The following ATRX variants were observed in gnomAD, a reference collection of about 807,000 sequenced individuals.
ATRX encodes the protein ATRX chromatin remodeler, also known as chromatin remodeler ATRX.
Under a neutral mutation model 172.6 loss-of-function variants are expected in ATRX, and 12 were observed. The observed-to-expected ratio is 0.07, with a 90% confidence interval of 0.04 to 0.11. ATRX has a LOEUF of 0.11. Among genes scored for constraint, ATRX ranks in the 10% least tolerant of loss-of-function variants. ATRX has a pLI of 1.00. For synonymous variants in ATRX, 674 were observed against 594.7 expected (o/e 1.13, Z -1.94); for missense variants, 1,368 against 1,767.4 (o/e 0.77, Z 4.05).
intron 1 of ATRX, among the ~76,000 whole-genome samples, chrX:77,735,635 T>TAAAA (rs1164571785): frequency 1.3e-5 from 1 of 76,619 alleles, no homozygotes; most frequent in Non-Finnish European, 2.4e-5. Flanking sequence ...AATAAATAAA[T>TAAAA]AAAAATAAAT....
chrX:77,695,533 C>T (rs1557149392), intron 5 of ATRX, among the ~76,000 whole-genome samples: 1 of 111,056 alleles, frequency 9.0e-6, no homozygotes, highest in Non-Finnish European at 1.9e-5. Context: ...ATGTAAAAAT[C>T]CAAAGTAAGT....
intron 22 of ATRX, among the ~76,000 whole-genome samples, chrX:77,610,174 T>C (rs782188933): frequency 1.8e-5 from 2 of 111,670 alleles, no homozygotes; most frequent in African/African-American, 6.5e-5. Context: ...TCATGTCACC[T>C]GCAAACTGAA....
intron 2 of ATRX, among the ~76,000 whole-genome samples, chrX:77,716,320 AAAAATATATATATAT>A (rs1420180370): frequency 7.0e-5 from 4 of 57,419 alleles, no homozygotes; most frequent in Non-Finnish European, 1.1e-4. Flanking sequence ...AAAAAAAAAA[AAAAATATATATATAT>A]ATATATATAT....
rs782405658 is a variant in ATRX, at chrX:77,620,513, A to G, written c.5154T>C (p.Cys1718=). 2.5e-6 allele frequency: 3 copies of G among 1,204,993 alleles called. No homozygotes were observed. In the Admixed American group the frequency reaches 6.5e-5, roughly 26 times the overall value. The change falls in exon 20 of 35, where the codon TGT becomes TGC. Residue 1718 remains cysteine, a synonymous_variant. Coordinates refer to ENST00000373344, the MANE Select transcript of ATRX (RefSeq NM_000489.6). ...CATTTTTTAGAATATGGCCTTCATC[A>G]CAAACAACAAAATCAGGGCCTACAA... ...LVDPGPDFVV[C]DEGHILKNEA... is the part of the protein sequence containing the mutation.
At chrX:77,733,714 A>C in intron 1 of ATRX, among the ~76,000 whole-genome samples, 1 of 99,331 alleles carries the variant, frequency 1.0e-5, no homozygotes. Flanking sequence ...GCTAAAAAAA[A>C]AAAAAAAAAA....
chrX:77,521,508 T>C lies in ATRX; in HGVS notation c.6976-10A>G, dbSNP rs1329992533. On this transcript the variant is annotated splice_polypyrimidine_tract_variant and intron_variant, in intron 32 of 34. Transcript: ENST00000373344. ...CTTGATTAATGAGGTCCTAGAAGAA[T>C]GCAAGAAATAAGTTATATAAGGCAG... 8.6e-7 allele frequency: 1 copy of C among 1,158,854 alleles called. No homozygotes were observed.
chrX:77,701,466 TG>T (rs1159716072), intron 2 of ATRX, among the ~76,000 whole-genome samples: 1 of 108,993 alleles, frequency 9.2e-6, no homozygotes, highest in African/African-American at 3.4e-5. Context: ...GAGCCGAGAT[TG>T]TGCCATTGCA....
intron 10 of ATRX, among the ~76,000 whole-genome samples, chrX:77,667,870 C>T (rs2070344361): frequency 8.9e-6 from 1 of 111,834 alleles, no homozygotes; most frequent in African/African-American, 3.2e-5. Context: ...AAATTACAAA[C>T]TTCAGGTCAT....
chrX:77,552,080 G>C (rs1273657392), intron 30 of ATRX, among the ~76,000 whole-genome samples: 1 of 111,423 alleles, frequency 9.0e-6, no homozygotes, highest in Non-Finnish European at 1.9e-5. Context: ...CAAGGATCCA[G>C]AACTAGAAAT....
rs1338386067 is a variant in ATRX at position 77,670,739 on chromosome X, C to T, written c.3809+5487G>A. ...CACTGCACTCCAGCCTGGGTGACAA[C>T]GCGAGACTCTGTCTCAAAAAAAAAA... On this transcript the variant is annotated intron_variant, in intron 10 of 34. Coordinates refer to ENST00000373344, the MANE Select transcript of ATRX (RefSeq NM_000489.6). 6.0e-4 allele frequency among the ~76,000 whole-genome samples: 57 copies of T among 95,191 alleles called. No individual in the cohort carries two copies. The Middle Eastern group carries it at 0.02, about 34-fold the overall frequency. The allele number at this position is 95,191 out of a possible 115,157, so 82.7% of individuals were successfully genotyped here. A position where few individuals can be genotyped will look rare whatever the true frequency, so the allele number is the denominator to read the frequency against.
At chrX:77,574,217 AATG>A in intron 28 of ATRX, 30 bp downstream of exon 28, 1 of 886,036 alleles carries the variant, frequency 1.1e-6, no homozygotes, top group Non-Finnish European at 1.6e-6. Context: ...TAATTATTTT[AATG>A]TTTCTACATA....
Position 77,678,005 on chromosome X carries a change from G to C in ATRX, c.3737-1707C>G, listed in dbSNP as rs567465193. Among the ~76,000 whole-genome samples the C allele has an allele frequency of 3.1e-4, 34 of 110,912 alleles. 1 individual carries two copies. In the South Asian group the frequency reaches 0.013, roughly 43 times the overall value. On this transcript the variant is annotated intron_variant, in intron 9 of 34. Coordinates refer to ENST00000373344, the MANE Select transcript of ATRX (RefSeq NM_000489.6). ...GCGGATCACTTGAGGTCAGGAGCTC[G>C]AGGCCAGCCTGGCCAACATGGAGAA... is the stretch of plus-strand genomic sequence containing the variant.
At chrX:77,540,276 A>C (rs1277809894) in intron 30 of ATRX, among the ~76,000 whole-genome samples, 4 of 111,765 alleles carry the variant, frequency 3.6e-5, no homozygotes, top group African/African-American at 1.3e-4. Context: ...ACTATCCTAA[A>C]TATATATGCA....
chrX:77,652,492 A>T, intron 14 of ATRX, 139 bp from the exon 15 acceptor site: 13 of 434,393 alleles, frequency 3.0e-5, no homozygotes, highest in Non-Finnish European at 4.6e-5. Context: ...GCAATAGAGT[A>T]GTATTAAAAA....
chrX:77,744,084 G>A (rs1224479683), intron 1 of ATRX, among the ~76,000 whole-genome samples: 1 of 112,542 alleles, frequency 8.9e-6, no homozygotes, highest in Non-Finnish European at 1.9e-5. Flanking sequence ...GGGAGGCCAA[G>A]GAGAGAGGAT....
At chrX:77,519,590 A>G (rs1362598504) in intron 34 of ATRX, among the ~76,000 whole-genome samples, 1 of 111,412 alleles carries the variant, frequency 9.0e-6, no homozygotes, top group Non-Finnish European at 1.9e-5. Context: ...CCAACCAAAC[A>G]AAAAAGATAA....
chrX:77,714,759 A>C (rs782617858), intron 2 of ATRX, among the ~76,000 whole-genome samples: 2 of 112,256 alleles, frequency 1.8e-5, no homozygotes, highest in South Asian at 7.4e-4. Flanking sequence ...TCATAGTCCC[A>C]AAAGGCAGAC....
intron 10 of ATRX, among the ~76,000 whole-genome samples, chrX:77,668,011 A>G (rs1351491446): frequency 1.8e-5 from 2 of 112,112 alleles, no homozygotes; most frequent in East Asian, 5.6e-4. Context: ...CCCTAAAAAG[A>G]ATAAGTTGAA....
At position 77,717,240 on chromosome X, in the gene ATRX, T is replaced by G. The variant is rs2148752831; in HGVS notation, c.24A>C (p.Glu8Asp). The G allele has an allele frequency of 8.4e-7, 1 of 1,196,375 alleles. No individual in the cohort carries two copies. The highest frequency in any genetic ancestry group is 1.1e-6 in the Non-Finnish European group (1 of 881,775). MTAEPMSESKLNTLVQKL... is the reference protein window; with the variant it reads MTAEPMSDSKLNTLVQKL... ...TCTGCACCAATGTATTCAACTTGCTTTCACTATTAAAACAAAATTTAAAGA... is the reference window on the plus strand; with the variant it reads ...TCTGCACCAATGTATTCAACTTGCTGTCACTATTAAAACAAAATTTAAAGA... Residue 8 changes from glutamate to aspartate, a missense_variant, in exon 2 of 35, where the codon GAA (glutamate) becomes GAC (aspartate). Physicochemically the swap from Glu to Asp is conservative, Grantham distance 45. Coordinates refer to ENST00000373344, the MANE Select transcript of ATRX (RefSeq NM_000489.6).
Sources: gnomAD v4.1 joint callset for allele counts (sites outside exome capture counted in the v4.1 genomes callset) on GRCh38, gnomAD v4.1.1 for gene constraint, MANE v1.5 for transcripts, NCBI Gene and HGNC (gene_info 2026-07-23, HGNC 2026-07-21) for gene names.